The following ALG12 variants were observed in gnomAD, a reference collection of about 807,000 sequenced individuals.
ALG12 encodes the protein ALG12 alpha-1,6-mannosyltransferase, also known as dol-P-Man:Man(7)GlcNAc(2)-PP-Dol alpha-1,6-mannosyltransferase.
A neutral mutation model predicts 46.0 loss-of-function variants in ALG12; 36 were observed. That is an observed-to-expected ratio of 0.78 (90% CI 0.60 to 1.03). The LOEUF (loss-of-function observed/expected upper bound fraction) is 1.03. Among genes scored for constraint, ALG12 ranks in the 50% least tolerant of loss-of-function variants. ALG12 has a pLI of 0.00. For synonymous variants in ALG12, 326 were observed against 291.6 expected, an observed-to-expected ratio of 1.12 and a Z score of -1.20; for missense variants, 599 against 633.5, an observed-to-expected ratio of 0.95 and a Z score of 0.58.
Position 49,915,467 on chromosome 22 carries a change from G to A in ALG12, c.-78-1624C>T, listed in dbSNP as rs140248581. Among the ~76,000 whole-genome samples the A allele has an allele frequency of 1.2e-3, 184 of 152,212 alleles. 1 individual carries two copies. The highest frequency in any genetic ancestry group is 0.01 in the Middle Eastern group (3 of 292). The stretch of plus-strand genomic sequence containing the variant: ...AGCTACTCGGGAGGCTAAGGCAGGA[G>A]AATCGCTTGAGCCCAGGAGGCAGAG... On this transcript the variant is annotated intron_variant, in intron 1 of 9. Coordinates refer to ENST00000330817, the MANE Select transcript of ALG12 (RefSeq NM_024105.4).
rs985660252 is a variant in ALG12 at position 49,908,029 on chromosome 22, T to G, written c.769-85A>C. ...GCAGGGTCAAGGTGGAGAAGACGCT[T>G]GAAGACAGTTGTGCTGAGAGATGCA... On this transcript the variant is annotated intron_variant, in intron 6 of 9. Transcript: ENST00000330817. 6 of 1,357,884 alleles carry G rather than the reference T, an allele frequency of 4.4e-6. No individual in the cohort carries two copies. In the African/African-American group the frequency reaches 8.6e-5, roughly 19 times the overall value. 84.1% of individuals were successfully genotyped at this position (1,357,884 alleles called of 1,614,324 possible). A position where few individuals can be genotyped will look rare whatever the true frequency, so the allele number is the denominator to read the frequency against.
chr22:49,887,244 T>C, the ALG12 span: 2 of 1,512,952 alleles, frequency 1.3e-6, no homozygotes, highest in Non-Finnish European at 1.8e-6. Context: ...GTACCAGGTC[T>C]ATGACCCGCT....
Position 49,913,889 on chromosome 22 carries a change from C to A in ALG12, c.-78-46G>T, listed in dbSNP as rs150163814. 1.5e-4 allele frequency: 194 copies of A among 1,321,048 alleles called. No homozygotes were observed. The Middle Eastern group carries it at 3.6e-3, about 24-fold the overall frequency. 81.8% of individuals were successfully genotyped at this position (1,321,048 alleles called of 1,614,324 possible). A position where few individuals can be genotyped will look rare whatever the true frequency, so the allele number is the denominator to read the frequency against. On this transcript the variant is annotated intron_variant, in intron 1 of 9. Coordinates refer to ENST00000330817, the MANE Select transcript of ALG12 (RefSeq NM_024105.4). ...TCCTGAGGTTCGAAAGTCACGCTTG[C>A]GCTCACGTTTGGGAGATCCGGGTAA...
the ALG12 span, among the ~76,000 whole-genome samples, chr22:49,894,227 A>G: frequency 5.9e-5 from 9 of 152,246 alleles, no homozygotes; most frequent in Non-Finnish European, 8.8e-5. Flanking sequence ...GCTAAAAGCA[A>G]TAAACATGTT....
the ALG12 span, among the ~76,000 whole-genome samples, chr22:49,861,780 G>A: frequency 6.6e-6 from 1 of 152,202 alleles, no homozygotes; most frequent in African/African-American, 2.4e-5. Flanking sequence ...ATGAATGTGT[G>A]GGTCCTATTG....
chr22:49,891,430 A>C, the ALG12 span, among the ~76,000 whole-genome samples: 2 of 152,178 alleles, frequency 1.3e-5, no homozygotes, highest in Admixed American at 6.5e-5. Flanking sequence ...AGTCCTCTTT[A>C]ATCAGAGCAT....
chr22:49,879,548 T>C, the ALG12 span, among the ~76,000 whole-genome samples: 20 of 150,996 alleles, frequency 1.3e-4, no homozygotes, highest in African/African-American at 4.3e-4. Flanking sequence ...ATTTGTCTTA[T>C]GTCCGGGCCT....
rs1019313290 is a variant in ALG12 at position 49,909,931 on chromosome 22, G to C, written c.627C>G (p.Ala209=). ...TCCCTGCCGGGACGGCGTGGCGAAG[G>C]GCTCTGACTACAGAAACCTTTCGGT... is the stretch of plus-strand genomic sequence containing the variant. The part of the protein sequence containing the change: ...LGNRKVSVVR[A]LRHAVPAGIL... The change falls in exon 5 of 10, where the codon GCC becomes GCG. Residue 209 remains alanine (A), a synonymous_variant. Coordinates refer to ENST00000330817, the MANE Select transcript of ALG12 (RefSeq NM_024105.4). 6.2e-7 allele frequency: 1 copy of C among 1,614,142 alleles called. No homozygotes were observed. Among genetic ancestry groups the C allele is most frequent in the Non-Finnish European group, 8.5e-7 (1 of 1,180,026 alleles).
chr22:49,862,818 C>T, the ALG12 span, among the ~76,000 whole-genome samples: 2 of 148,576 alleles, frequency 1.3e-5, no homozygotes, highest in African/African-American at 4.9e-5. Context: ...TCTCCTGCCT[C>T]AGTTTCCTGA....
the ALG12 span, among the ~76,000 whole-genome samples, chr22:49,880,713 C>T: frequency 6.6e-6 from 1 of 152,126 alleles, no homozygotes; most frequent in Non-Finnish European, 1.5e-5. Flanking sequence ...TTATTTATTC[C>T]TGATTCTTTG....
chr22:49,897,006 C>G (rs182431870), downstream of ALG12, among the ~76,000 whole-genome samples: 1 of 152,252 alleles, frequency 6.6e-6, no homozygotes, highest in East Asian at 1.9e-4. Flanking sequence ...AATGCTCCAC[C>G]TACTCATCCT....
chr22:49,885,493 G>A, the ALG12 span: 63 of 1,611,922 alleles, frequency 3.9e-5, no homozygotes, highest in East Asian at 6.7e-5. Context: ...CCATAGCAAC[G>A]TGCTGAAAAC....
the ALG12 span, among the ~76,000 whole-genome samples, chr22:49,867,753 A>G: frequency 6.6e-6 from 1 of 152,212 alleles, no homozygotes; most frequent in Admixed American, 6.5e-5. Flanking sequence ...ACTGACTGCA[A>G]GGGGGCTTCC....
chr22:49,862,830 T>A, the ALG12 span, among the ~76,000 whole-genome samples: 2 of 150,448 alleles, frequency 1.3e-5, no homozygotes, highest in East Asian at 4.0e-4. Flanking sequence ...GTTTCCTGAG[T>A]AACTGGGATT....
the ALG12 span, chr22:49,884,907 A>G: frequency 1.2e-6 from 2 of 1,602,800 alleles, no homozygotes; most frequent in Non-Finnish European, 1.7e-6. Flanking sequence ...CGGCCTTCTC[A>G]TCTTCCGATG....
the ALG12 span, chr22:49,885,939 G>A: frequency 7.7e-5 from 60 of 783,140 alleles, 1 homozygote; most frequent in South Asian, 2.3e-4. Flanking sequence ...CAGCCCGGCC[G>A]CGCTGTGACG....
Position 49,901,875 on chromosome 22 carries a change from T to G in ALG12, c.*1963A>C. 1 of 134,840 alleles carries G rather than the reference T, an allele frequency of 7.4e-6. No homozygotes were observed. Among genetic ancestry groups the G allele is most frequent in the South Asian group, 2.6e-4 (1 of 3,884 alleles). The allele number at this position is 134,840 out of a possible 1,614,324, so 8.4% of individuals were successfully genotyped here. On this transcript the variant is annotated 3_prime_UTR_variant, in exon 10 of 10. Coordinates refer to ENST00000330817, the MANE Select transcript of ALG12 (RefSeq NM_024105.4). ...GTGCACTGTGTGTGGTGTGTATTCATGGTGTGTGCACGTGTGCACTGTGTG... is the reference window on the plus strand; with the variant it reads ...GTGCACTGTGTGTGGTGTGTATTCAGGGTGTGTGCACGTGTGCACTGTGTG...
At chr22:49,866,513 G>C in the ALG12 span, among the ~76,000 whole-genome samples, 1 of 151,626 alleles carries the variant, frequency 6.6e-6, no homozygotes, top group Non-Finnish European at 1.5e-5. Flanking sequence ...TTTATTTTTA[G>C]TGTTTTTGTG....
In ALG12 at chr22:49,913,601, C is replaced by T. The variant is rs1272421473; in HGVS notation, c.162+3G>A. On this transcript the variant is annotated splice_donor_region_variant and intron_variant, in intron 2 of 9. Transcript: ENST00000330817. The stretch of plus-strand genomic sequence containing the variant: ...TTCCCCAAAGACAGCAGGGGCCCCT[C>T]ACCTGCTCCAGGTCTTGCCAGTGGT... The T allele has an allele frequency of 1.9e-6, 3 of 1,614,084 alleles. No homozygotes were observed. The East Asian group carries it at 6.7e-5, about 36-fold the overall frequency.
Sources: allele counts gnomAD v4.1 joint callset (sites outside exome capture counted in the v4.1 genomes callset), GRCh38; gene constraint gnomAD v4.1.1; transcripts MANE v1.5; gene names NCBI Gene and HGNC (gene_info 2026-07-23, HGNC 2026-07-21).